ORC3: variants seen among roughly 807,000 people sequenced by gnomAD.
ORC3 encodes the protein origin recognition complex subunit 3, also known as homolog of latheo, Drosophila.
ORC3 carries 78 observed loss-of-function variants against 100.7 expected under a neutral mutation model. That is an observed-to-expected ratio of 0.77 (90% CI 0.65 to 0.94). The LOEUF (loss-of-function observed/expected upper bound fraction) is 0.94, where lower values mean the gene tolerates loss of function less well. Among genes scored for constraint, ORC3 ranks in the 40% least tolerant of loss-of-function variants. The pLI is 0.00. For missense variants in ORC3, 789 were observed against 823.9 expected (o/e 0.96, Z 0.52); for synonymous variants, 295 against 289.3 (o/e 1.02, Z -0.20).
rs936945796 is a variant in ORC3, at chr6:87,630,873, CT to C, written c.1186-3961del. On this transcript the variant is annotated intron_variant, in intron 11 of 19. Transcript: ENST00000392844. ...AAGGAGGCTGTTATGTATTGCTTTG[CT>C]TTTTTTTTTTCTTTTTGAGACAGTT... Among the ~76,000 whole-genome samples the C allele has an allele frequency of 4.0e-4, 59 of 146,068 alleles. 1 individual carries two copies. The highest frequency in any genetic ancestry group is 6.7e-4 in the Non-Finnish European group (44 of 65,944).
At chr6:87,636,006 G>T (rs1301190930) in intron 12 of ORC3, among the ~76,000 whole-genome samples, 2 of 149,204 alleles carry the variant, frequency 1.3e-5, no homozygotes, top group African/African-American at 2.5e-5. Context: ...GTGCAGTGGC[G>T]CAATCTCGGC....
rs140557919 is a variant in ORC3, at chr6:87,637,414, C to T, written c.1382+928C>T. 3.9e-4 allele frequency among the ~76,000 whole-genome samples: 59 copies of T among 152,212 alleles called. 2 individuals carry two copies. In the East Asian group the frequency reaches 0.011, roughly 28 times the overall value. ...ATACCTCCCCATGGAAACTAGATTG[C>T]CACTGAAAAGCTGTGTTTTATTTCA... is the stretch of plus-strand genomic sequence containing the variant. On this transcript the variant is annotated intron_variant, in intron 13 of 19. Coordinates refer to ENST00000392844, the MANE Select transcript of ORC3 (RefSeq NM_012381.4).
At chr6:87,673,230 A>AGCTCACTGCAACCTCT in the ORC3 span, among the ~76,000 whole-genome samples, 3 of 136,470 alleles carry the variant, frequency 2.2e-5, no homozygotes, top group African/African-American at 8.4e-5. Context: ...GCATGATCTC[A>AGCTCACTGCAACCTCT]GCTCACTGCA....
chr6:87,670,001 A>AGCAGATTCATATATAAGGC (rs1770799968), downstream of ORC3, among the ~76,000 whole-genome samples: 1 of 152,240 alleles, frequency 6.6e-6, no homozygotes, highest in African/African-American at 2.4e-5. Flanking sequence ...CACACAGACC[A>AGCAGATTCATATATAAGGC]GCAGATTCAT....
At chr6:87,674,695 C>T in the ORC3 span, among the ~76,000 whole-genome samples, 3 of 143,452 alleles carry the variant, frequency 2.1e-5, no homozygotes, top group Non-Finnish European at 4.5e-5. Context: ...AGGATAGTCT[C>T]GATCTCCTGA....
downstream of ORC3, among the ~76,000 whole-genome samples, chr6:87,670,328 G>A (rs1450892130): frequency 6.6e-6 from 1 of 152,068 alleles, no homozygotes. Context: ...ACCACGCCCA[G>A]CTAATTTTTG....
At chr6:87,613,013 C>T (rs1019197508) in intron 8 of ORC3, among the ~76,000 whole-genome samples, 3 of 152,210 alleles carry the variant, frequency 2.0e-5, no homozygotes, top group African/African-American at 7.2e-5. Context: ...TTTCCTAGAC[C>T]TTAGCAACTA....
Position 87,658,020 on chromosome 6 carries a change from T to G in ORC3, c.1691+2T>G. 6.5e-7 allele frequency: 1 copy of G among 1,540,868 alleles called. No homozygotes were observed. Among genetic ancestry groups the G allele is most frequent in the Non-Finnish European group, 9.0e-7 (1 of 1,114,848 alleles). Reference sequence around the variant, plus strand: ...GAACTTCATTGACTGTCTAGTGAGGTAAGTCTAAATTTAGCTCTTAAGAGC... The same window carrying G: ...GAACTTCATTGACTGTCTAGTGAGGGAAGTCTAAATTTAGCTCTTAAGAGC... On this transcript the variant is annotated splice_donor_variant, in intron 16 of 19. Coordinates refer to ENST00000392844, the MANE Select transcript of ORC3 (RefSeq NM_012381.4). LOFTEE classifies it high-confidence loss of function.
chr6:87,675,420 G>T, the ORC3 span: 1 of 750,202 alleles, frequency 1.3e-6, no homozygotes, highest in Non-Finnish European at 2.3e-6. Context: ...AGGTGGTACT[G>T]ACATCAGGGA....
At chr6:87,602,945 CACATATATAATATATATATATATATACAT>C (rs1175021204) in intron 3 of ORC3, among the ~76,000 whole-genome samples, 4 of 114,580 alleles carry the variant, frequency 3.5e-5, no homozygotes, top group African/African-American at 1.4e-4. Flanking sequence ...TATATATATA[CACATATATAATATATATATATATATACAT>C]ATATATATAC....
chr6:87,667,643 A>AG (rs1224628717), downstream of ORC3, among the ~76,000 whole-genome samples: 1 of 151,940 alleles, frequency 6.6e-6, no homozygotes, highest in African/African-American at 2.4e-5. Context: ...AGAAAAAAAA[A>AG]AAAGGCCAGG....
At chr6:87,602,249 A>C (rs999665648) in intron 3 of ORC3, among the ~76,000 whole-genome samples, 3 of 152,142 alleles carry the variant, frequency 2.0e-5, no homozygotes, top group African/African-American at 7.2e-5. Context: ...AAAACAAAAA[A>C]AACTCATATT....
chr6:87,602,970 TAC>T (rs531797446), intron 3 of ORC3, among the ~76,000 whole-genome samples: 725 of 57,584 alleles, frequency 0.013, 43 homozygotes, highest in African/African-American at 0.043. Context: ...TATATATATA[TAC>T]ATATATATAT....
At chr6:87,665,584 C>T (rs1471521038) in intron 18 of ORC3, among the ~76,000 whole-genome samples, 170 bp from the exon 19 acceptor site, 1 of 151,868 alleles carries the variant, frequency 6.6e-6, no homozygotes, top group Non-Finnish European at 1.5e-5. Context: ...ATTACTTTAT[C>T]TTTTAATATA....
At chr6:87,625,201 G>A (rs1779808678) in intron 11 of ORC3, among the ~76,000 whole-genome samples, 1 of 152,148 alleles carries the variant, frequency 6.6e-6, no homozygotes, top group Non-Finnish European at 1.5e-5. Context: ...AATCCTTTGG[G>A]TATATACCCA....
chr6:87,599,164 T>TTTAAA (rs1777687886), intron 2 of ORC3, among the ~76,000 whole-genome samples: 5 of 152,316 alleles, frequency 3.3e-5, no homozygotes, highest in Admixed American at 3.3e-4. Context: ...GTTTAAAGTA[T>TTTAAA]CCTACTGCTG....
At chr6:87,625,112 T>C (rs1390135688) in intron 11 of ORC3, among the ~76,000 whole-genome samples, 1 of 152,226 alleles carries the variant, frequency 6.6e-6, no homozygotes, top group East Asian at 1.9e-4. Flanking sequence ...ACATTTGGGT[T>C]GGTTCCAAGT....
chr6:87,677,472 T>C, the ORC3 span, among the ~76,000 whole-genome samples: 1 of 152,210 alleles, frequency 6.6e-6, no homozygotes, highest in Non-Finnish European at 1.5e-5. Context: ...ACTTACACAG[T>C]GACAGCCAAT....
At chr6:87,594,789 T>C (rs1304935407) in intron 2 of ORC3, among the ~76,000 whole-genome samples, 2 of 152,188 alleles carry the variant, frequency 1.3e-5, no homozygotes, top group African/African-American at 4.8e-5. Context: ...AAAGGCTGAC[T>C]GGCAACCCAG....
Sources: gnomAD v4.1 joint callset for allele counts (sites outside exome capture counted in the v4.1 genomes callset) on GRCh38, gnomAD v4.1.1 for gene constraint, MANE v1.5 for transcripts, NCBI Gene and HGNC (gene_info 2026-07-23, HGNC 2026-07-21) for gene names.